CCDC141: variants seen among roughly 807,000 people sequenced by gnomAD.
CCDC141 encodes coiled-coil domain containing 141.
Under a neutral mutation model 181.0 loss-of-function variants are expected in CCDC141, and 168 were observed. The ratio of observed to expected loss-of-function variants is 0.93; its 90% confidence interval spans 0.82 to 1.05. CCDC141 has a LOEUF of 1.05. Ranked by LOEUF, CCDC141 falls within the 50% of genes least tolerant of loss-of-function variation. The probability of loss-of-function intolerance (pLI) is 0.00; values close to 1 mark genes in which losing one functional copy is unlikely to be tolerated. For missense variants in CCDC141, 1,902 were observed against 1,788.5 expected (o/e 1.06, Z -1.14); for synonymous variants, 666 against 642.3 (o/e 1.04, Z -0.56).
intron 2 of CCDC141, among the ~76,000 whole-genome samples, chr2:179,015,106 T>TATATATATATATA (rs2042418360): frequency 4.2e-5 from 1 of 23,992 alleles, no homozygotes; most frequent in African/African-American, 8.1e-5. Flanking sequence ...ATATATATAA[T>TATATATATATATA]ATATATATAA....
At chr2:178,899,276 G>C (rs1212300907) in intron 8 of CCDC141, among the ~76,000 whole-genome samples, 4 of 152,172 alleles carry the variant, frequency 2.6e-5, no homozygotes, top group Admixed American at 1.3e-4. Flanking sequence ...ATGTGTGTAA[G>C]ATGTGTGTAA....
intron 14 of CCDC141, among the ~76,000 whole-genome samples, chr2:178,870,533 T>G (rs1179554717): frequency 6.6e-6 from 1 of 152,160 alleles, no homozygotes; most frequent in Non-Finnish European, 1.5e-5. Flanking sequence ...CAGGGTGTAT[T>G]AAAGAGCCTA....
At chr2:178,938,355 A>G (rs1003266675) in intron 6 of CCDC141, among the ~76,000 whole-genome samples, 8 of 152,142 alleles carry the variant, frequency 5.3e-5, no homozygotes, top group South Asian at 4.1e-4. Context: ...CTAATTACCC[A>G]AAAGTCACTC....
intron 2 of CCDC141, among the ~76,000 whole-genome samples, chr2:178,985,695 G>T (rs1276911939): frequency 6.6e-6 from 1 of 152,088 alleles, no homozygotes; most frequent in Non-Finnish European, 1.5e-5. Context: ...ACACCACTAC[G>T]CAAATAAACT....
chr2:178,820,301 T>A, the CCDC141 span, among the ~76,000 whole-genome samples: 1 of 151,912 alleles, frequency 6.6e-6, no homozygotes, highest in African/African-American at 2.4e-5. Flanking sequence ...CGGTGGAGAG[T>A]GGGGCTGTGG....
chr2:178,862,532 T>C (rs1685666519), intron 17 of CCDC141, among the ~76,000 whole-genome samples: 1 of 152,228 alleles, frequency 6.6e-6, no homozygotes, highest in Non-Finnish European at 1.5e-5. Context: ...AGAATATGTC[T>C]ACTGTGCTTT....
At chr2:179,031,678 A>T (rs575602000) in intron 2 of CCDC141, among the ~76,000 whole-genome samples, 103 of 152,210 alleles carry the variant, frequency 6.8e-4, no homozygotes, top group African/African-American at 2.4e-3. Flanking sequence ...TGCAGCTGAC[A>T]TTTGTGGCTT....
chr2:178,981,655 T>TATATATATATATAC (rs1363397709), intron 2 of CCDC141, among the ~76,000 whole-genome samples: 3 of 136,432 alleles, frequency 2.2e-5, no homozygotes, highest in South Asian at 2.3e-4. Flanking sequence ...TATATATATA[T>TATATATATATATAC]ATACATACAT....
chr2:179,010,575 C>T (rs1015801795), intron 2 of CCDC141, among the ~76,000 whole-genome samples: 2 of 152,104 alleles, frequency 1.3e-5, no homozygotes, highest in Non-Finnish European at 2.9e-5. Flanking sequence ...AGGAAAGATA[C>T]AGTCTTTTTC....
intron 2 of CCDC141, among the ~76,000 whole-genome samples, chr2:179,027,826 C>T (rs2042896007): frequency 6.6e-6 from 1 of 152,054 alleles, no homozygotes; most frequent in Admixed American, 6.5e-5. Flanking sequence ...GTAAACTGCC[C>T]AGTCTTGGTA....
chr2:178,819,163 T>C, the CCDC141 span, among the ~76,000 whole-genome samples: 4 of 152,208 alleles, frequency 2.6e-5, no homozygotes, highest in Non-Finnish European at 4.4e-5. Context: ...CATGTAGCCA[T>C]TGATTGCAAG....
intron 8 of CCDC141, among the ~76,000 whole-genome samples, chr2:178,901,371 A>G (rs532081354): frequency 0.011 from 1,731 of 152,152 alleles, 40 homozygotes; most frequent in African/African-American, 0.039. Flanking sequence ...AATACTGGCA[A>G]ACCGAATCCA....
intron 12 of CCDC141, chr2:178,873,940 CA>C (rs1234309750): frequency 6.6e-6 from 1 of 152,144 alleles, no homozygotes; most frequent in East Asian, 1.9e-4. Context: ...AATAAATTAG[CA>C]CTTTCATCAA....
chr2:178,977,125 ATAAT>A (rs372955269), intron 3 of CCDC141, among the ~76,000 whole-genome samples: 39 of 152,318 alleles, frequency 2.6e-4, no homozygotes, highest in Middle Eastern at 3.4e-3. Context: ...AATACAAAAA[ATAAT>A]TAGTCTTTTC....
chr2:178,906,241 A>G (rs1687963757), intron 7 of CCDC141, among the ~76,000 whole-genome samples: 1 of 152,184 alleles, frequency 6.6e-6, no homozygotes, highest in Non-Finnish European at 1.5e-5. Context: ...TCAACAACCC[A>G]GCATGCAGGA....
At chr2:178,904,334 T>G (rs1368201117) in intron 8 of CCDC141, among the ~76,000 whole-genome samples, 1 of 152,202 alleles carries the variant, frequency 6.6e-6, no homozygotes, top group African/African-American at 2.4e-5. Context: ...GTAGCAAACA[T>G]CACAAACCCT....
chr2:178,930,083 TAAAGC>T (rs889137856), intron 6 of CCDC141, among the ~76,000 whole-genome samples: 4 of 151,904 alleles, frequency 2.6e-5, no homozygotes, highest in Non-Finnish European at 1.5e-5. Flanking sequence ...TTTTAAAAAT[TAAAGC>T]AAATAAATTA....
rs1348180625 is a variant in CCDC141 at position 178,969,100 on chromosome 2, C to A, written c.526+5957G>T. Among the ~76,000 whole-genome samples, 52 of 87,688 alleles carry A rather than the reference C, an allele frequency of 5.9e-4. 1 individual carries two copies. Among genetic ancestry groups the A allele is most frequent in the African/African-American group, 2.3e-3 (50 of 21,734 alleles). The allele number at this position is 87,688 out of a possible 152,430, so 57.5% of individuals were successfully genotyped here. ...ATTGAGGCAGTAATTAATAGCTTACCAACCAAAAAAAAAAAAAAAAAAAAA... is the reference window on the plus strand; with the variant it reads ...ATTGAGGCAGTAATTAATAGCTTACAAACCAAAAAAAAAAAAAAAAAAAAA... On this transcript the variant is annotated intron_variant, in intron 4 of 23. Coordinates refer to ENST00000443758, the MANE Select transcript of CCDC141 (RefSeq NM_173648.4).
At chr2:178,893,995 T>C (rs943918673) in intron 8 of CCDC141, among the ~76,000 whole-genome samples, 13 of 152,152 alleles carry the variant, frequency 8.5e-5, no homozygotes, top group African/African-American at 2.9e-4. Context: ...ATATATGTCC[T>C]ATGTGAAGGG....
Sources: gnomAD v4.1 joint callset for allele counts (sites outside exome capture counted in the v4.1 genomes callset) on GRCh38, gnomAD v4.1.1 for gene constraint, MANE v1.5 for transcripts, NCBI Gene and HGNC (gene_info 2026-07-23, HGNC 2026-07-21) for gene names.